C12orf42: variants seen among roughly 807,000 people sequenced by gnomAD.
The protein encoded by C12orf42 is uncharacterized protein C12orf42.
C12orf42 carries 25 observed loss-of-function variants against 21.6 expected under a neutral mutation model. That is an observed-to-expected ratio of 1.16 (90% CI 0.84 to 1.62). The LOEUF (loss-of-function observed/expected upper bound fraction) is 1.62, where lower values mean the gene tolerates loss of function less well. Ranked by LOEUF, C12orf42 falls within the 40% of genes most tolerant of loss-of-function variation. C12orf42 has a pLI of 0.00. For synonymous variants in C12orf42, 174 were observed against 175.0 expected (o/e 0.99, Z 0.05); for missense variants, 483 against 459.3 (o/e 1.05, Z -0.47).
At chr12:103,540,758 A>G in the C12orf42 span, among the ~76,000 whole-genome samples, 1 of 152,154 alleles carries the variant, frequency 6.6e-6, no homozygotes, top group Non-Finnish European at 1.5e-5. Flanking sequence ...CAACTGGAAC[A>G]TTTACCACTT....
intron 4 of C12orf42, among the ~76,000 whole-genome samples, chr12:103,291,359 G>A (rs2136366819): frequency 6.6e-6 from 1 of 152,312 alleles, no homozygotes; most frequent in Non-Finnish European, 1.5e-5. Context: ...ACCAATGCGG[G>A]GGAATCCCAA....
the C12orf42 span, among the ~76,000 whole-genome samples, chr12:103,131,547 A>G: frequency 3.3e-5 from 5 of 152,210 alleles, no homozygotes; most frequent in African/African-American, 1.2e-4. Context: ...GTAAAGCCCC[A>G]TATCTCTTCG....
chr12:103,548,869 T>G, the C12orf42 span: 5 of 152,150 alleles, frequency 3.3e-5, no homozygotes, highest in Admixed American at 6.5e-5. Flanking sequence ...GAGAACCAGT[T>G]TGGACTTCTG....
At chr12:103,438,434 G>A (rs1399009074) in intron 2 of C12orf42, among the ~76,000 whole-genome samples, 1 of 151,914 alleles carries the variant, frequency 6.6e-6, no homozygotes, top group Non-Finnish European at 1.5e-5. Flanking sequence ...AAGAAATAAA[G>A]GGTATTCAAT....
the C12orf42 span, chr12:103,155,047 T>C: frequency 6.6e-6 from 1 of 152,186 alleles, no homozygotes; most frequent in African/African-American, 2.4e-5. Flanking sequence ...TAAATCAGTA[T>C]AAAGCCCACT....
intron 2 of C12orf42, among the ~76,000 whole-genome samples, chr12:103,419,652 G>A (rs148328632): frequency 3.5e-4 from 53 of 152,222 alleles, no homozygotes; most frequent in African/African-American, 1.2e-3. Context: ...CAGCACACTT[G>A]CCAGTCCTTC....
chr12:103,338,906 A>G lies in C12orf42; in HGVS notation c.259+29981T>C, dbSNP rs935946330. Among the ~76,000 whole-genome samples the G allele has an allele frequency of 1.3e-5, 2 of 152,188 alleles. 1 individual carries two copies. The highest frequency in any genetic ancestry group is 4.1e-4 in the South Asian group (2 of 4,830). ...ATCAGGAGCTGAATTCACTTCTGTT[A>G]TGACACAGACACCTAGCCACAAGGC... is the stretch of plus-strand genomic sequence containing the variant. On this transcript the variant is annotated intron_variant, in intron 4 of 5. Transcript: ENST00000548883.
At chr12:103,264,954 T>C (rs189711606), downstream of C12orf42, among the ~76,000 whole-genome samples, 60 of 152,246 alleles carry the variant, frequency 3.9e-4, no homozygotes, top group African/African-American at 1.3e-3. Flanking sequence ...CAAAGTGCTA[T>C]ATAGAGTGGG....
intron 4 of C12orf42, among the ~76,000 whole-genome samples, chr12:103,343,152 A>C (rs1188986949): frequency 1.3e-5 from 2 of 152,240 alleles, no homozygotes; most frequent in African/African-American, 4.8e-5. Context: ...ACACCCAAGA[A>C]ACCCACAAAA....
the C12orf42 span, among the ~76,000 whole-genome samples, chr12:103,144,650 C>T: frequency 6.6e-6 from 1 of 152,054 alleles, no homozygotes; most frequent in Non-Finnish European, 1.5e-5. Context: ...GTAAATGATG[C>T]TAAAAAGAAG....
At chr12:103,547,008 A>G in the C12orf42 span, among the ~76,000 whole-genome samples, 1 of 152,234 alleles carries the variant, frequency 6.6e-6, no homozygotes, top group Non-Finnish European at 1.5e-5. Context: ...ACCTGGCATA[A>G]AAACACTCAG....
At chr12:103,233,967 CCTCT>C (rs1233390951), downstream of C12orf42, among the ~76,000 whole-genome samples, 3 of 152,066 alleles carry the variant, frequency 2.0e-5, no homozygotes, top group Non-Finnish European at 4.4e-5. Flanking sequence ...TAGGGAAGTT[CCTCT>C]CTATTTATAT....
chr12:103,556,786 T>C, the C12orf42 span, among the ~76,000 whole-genome samples: 10 of 152,108 alleles, frequency 6.6e-5, no homozygotes, highest in South Asian at 2.1e-4. Context: ...GTAATTAAGT[T>C]AAAGATCTTA....
At chr12:103,099,349 A>C in the C12orf42 span, among the ~76,000 whole-genome samples, 1 of 152,212 alleles carries the variant, frequency 6.6e-6, no homozygotes, top group Non-Finnish European at 1.5e-5. Flanking sequence ...AAAAATTATC[A>C]ATAAGTAGAA....
At chr12:103,187,041 C>T in the C12orf42 span, among the ~76,000 whole-genome samples, 14 of 152,238 alleles carry the variant, frequency 9.2e-5, no homozygotes, top group Non-Finnish European at 1.3e-4. Context: ...ACCATCAAAT[C>T]CTGGAAGAAG....
chr12:103,449,151 C>A (rs11111586), intron 2 of C12orf42, among the ~76,000 whole-genome samples: 1 of 151,640 alleles, frequency 6.6e-6, no homozygotes, highest in East Asian at 1.9e-4. Flanking sequence ...TGGAATACTA[C>A]GCAACCATAA....
the C12orf42 span, among the ~76,000 whole-genome samples, chr12:103,218,399 T>TA: frequency 1.3e-5 from 2 of 152,172 alleles, no homozygotes; most frequent in African/African-American, 2.4e-5. Context: ...TGGCACTTAA[T>TA]AAAATAATTT....
intron 3 of C12orf42, among the ~76,000 whole-genome samples, chr12:103,386,922 G>C (rs2046658207): frequency 1.3e-5 from 2 of 152,234 alleles, no homozygotes; most frequent in Admixed American, 1.3e-4. Context: ...AGCATGGACA[G>C]TCCCGTTAAA....
At chr12:103,227,228 T>TCCAGAAAA in the C12orf42 span, among the ~76,000 whole-genome samples, 3 of 151,802 alleles carry the variant, frequency 2.0e-5, no homozygotes, top group Non-Finnish European at 4.4e-5. Flanking sequence ...GTTCTTACCT[T>TCCAGAAAA]CCAGAAAAGT....
Sources: allele counts gnomAD v4.1 joint callset (sites outside exome capture counted in the v4.1 genomes callset), GRCh38; gene constraint gnomAD v4.1.1; transcripts MANE v1.5; gene names NCBI Gene and HGNC (gene_info 2026-07-23, HGNC 2026-07-21).